Variants in PKN2 observed in about 807,000 individuals in gnomAD.
PKN2 encodes the protein serine/threonine-protein kinase N2.
A neutral mutation model predicts 119.1 loss-of-function variants in PKN2; 38 were observed. The observed-to-expected ratio is 0.32, with a 90% CI of 0.25 to 0.42. The LOEUF (loss-of-function observed/expected upper bound fraction) is 0.42, where lower values mean the gene tolerates loss of function less well. Among genes scored for constraint, PKN2 ranks in the 10% least tolerant of loss-of-function variants. PKN2 has a pLI of 1.00. For missense variants in PKN2, 850 were observed against 1,165.1 expected (o/e 0.73, Z 3.94); for synonymous variants, 390 against 384.9 (o/e 1.01, Z -0.15).
At chr1:88,832,916 T>C in intron 20 of PKN2, 65 bp downstream of exon 20, 1 of 1,227,674 alleles carries the variant, frequency 8.1e-7, no homozygotes, top group Non-Finnish European at 1.2e-6. Flanking sequence ...CTAAAGAAAA[T>C]TTCCCAGTAG....
intron 1 of PKN2, among the ~76,000 whole-genome samples, chr1:88,733,739 C>A (rs1442182510): frequency 6.6e-6 from 1 of 152,128 alleles, no homozygotes. Flanking sequence ...TGCTTACAAC[C>A]AGAGTGTTTT....
intron 3 of PKN2, among the ~76,000 whole-genome samples, chr1:88,768,503 A>C (rs1669754003): frequency 6.6e-6 from 1 of 152,084 alleles, no homozygotes; most frequent in Admixed American, 6.6e-5. Flanking sequence ...TCTTTTCTAC[A>C]CTTAAGGACC....
chr1:88,792,405 A>AAAATAAATAAATAAAT (rs560143650), intron 8 of PKN2, among the ~76,000 whole-genome samples: 2 of 151,992 alleles, frequency 1.3e-5, no homozygotes, highest in African/African-American at 4.8e-5. Context: ...TCCGTCTCAA[A>AAAATAAATAAATAAAT]AAATAAATAA....
At chr1:88,686,723 A>G (rs898199487) in intron 1 of PKN2, among the ~76,000 whole-genome samples, 3 of 152,100 alleles carry the variant, frequency 2.0e-5, no homozygotes, top group African/African-American at 7.2e-5. Flanking sequence ...AATAGTCATA[A>G]AGTTTGCTTC....
chr1:88,796,159 ATTT>A (rs1314638963), intron 8 of PKN2, among the ~76,000 whole-genome samples: 1 of 152,032 alleles, frequency 6.6e-6, no homozygotes, highest in African/African-American at 2.4e-5. Context: ...TAGATTCCAA[ATTT>A]TTTTTCAGAT....
chr1:88,770,315 T>A, intron 3 of PKN2, 37 bp from the exon 4 acceptor site: 1 of 1,216,732 alleles, frequency 8.2e-7, no homozygotes, highest in Non-Finnish European at 1.2e-6. Flanking sequence ...ATTTTTCCCT[T>A]TATTTGCTTA....
Position 88,758,062 on chromosome 1 carries a change from A to AAAG in PKN2, c.350-2159_350-2158insAGA, listed in dbSNP as rs539880214. 4.4e-3 allele frequency among the ~76,000 whole-genome samples: 632 copies of AAAG among 143,994 alleles called. 11 individuals carry two copies. Among genetic ancestry groups the AAAG allele is most frequent in the African/African-American group, 0.015 (543 of 36,996 alleles). The allele number at this position is 143,994 out of a possible 152,430, so 94.5% of individuals were successfully genotyped here. On this transcript the variant is annotated intron_variant, in intron 2 of 21. Coordinates refer to ENST00000370521, the MANE Select transcript of PKN2 (RefSeq NM_006256.4). ...TCAAAAAAAAAAAAAAAAAAAAAAA[A>AAAG]AGAAGTGTTTCAATAATAATGGATT...
In PKN2 at chr1:88,807,368, C is replaced by A; in HGVS notation, c.1859C>A (p.Ser620Tyr). The A allele has an allele frequency of 6.3e-7, 1 of 1,598,028 alleles. No homozygotes were observed. The highest frequency in any genetic ancestry group is 8.6e-7 in the Non-Finnish European group (1 of 1,167,190). ...GACAGAAATAGTATACTTCCAAAAT[C>A]TCAATCTGAATACAAGCCTGATACT... ...QNDRNSILPKSQSEYKPDTPQ... is the reference protein window; with the variant it reads ...QNDRNSILPKYQSEYKPDTPQ... The change falls in exon 13 of 22, where the codon TCT (serine) becomes TAT (tyrosine). Residue 620 changes from serine (S) to tyrosine (Y), a missense_variant. Coordinates refer to ENST00000370521, the MANE Select transcript of PKN2 (RefSeq NM_006256.4).
At chr1:88,794,715 C>G (rs1413560397) in intron 8 of PKN2, among the ~76,000 whole-genome samples, 1 of 152,058 alleles carries the variant, frequency 6.6e-6, no homozygotes, top group East Asian at 1.9e-4. Flanking sequence ...TATCACAAAG[C>G]TAGATATTTG....
At chr1:88,778,430 G>A (rs1670192301) in intron 6 of PKN2, among the ~76,000 whole-genome samples, 1 of 152,238 alleles carries the variant, frequency 6.6e-6, no homozygotes, top group Non-Finnish European at 1.5e-5. Context: ...TGCAGAGCTT[G>A]AGAGTCAACC....
At chr1:88,815,429 A>G (rs1671946027) in intron 16 of PKN2, 1 of 354,006 alleles carries the variant, frequency 2.8e-6, no homozygotes, top group African/African-American at 2.3e-5. Context: ...TATTTTCTGT[A>G]TTATCTTTTT....
intron 1 of PKN2, among the ~76,000 whole-genome samples, chr1:88,701,246 C>T (rs993520337): frequency 1.3e-5 from 2 of 152,120 alleles, no homozygotes; most frequent in Admixed American, 6.5e-5. Flanking sequence ...GAGTTTGAGA[C>T]CAGCCTGCCC....
In PKN2 at chr1:88,684,364, G is replaced by A. The variant is rs552576441; in HGVS notation, c.-217G>A. The A allele has an allele frequency of 2.1e-5, 10 of 485,748 alleles. No individual in the cohort carries two copies. The East Asian group carries it at 3.6e-4, about 17-fold the overall frequency. The allele number at this position is 485,748 out of a possible 1,614,324, so 30.1% of individuals were successfully genotyped here. A position where few individuals can be genotyped will look rare whatever the true frequency, so the allele number is the denominator to read the frequency against. On this transcript the variant is annotated 5_prime_UTR_variant, in exon 1 of 22. Transcript: ENST00000370521. ...ACGAACAGTCCGGTGAGGGCGGCGA[G>A]AGGAAGCCCGCTACGAGTGCCCTAG... is the stretch of plus-strand genomic sequence containing the variant.
chr1:88,749,521 G>A (rs1393328398), intron 2 of PKN2, among the ~76,000 whole-genome samples: 3 of 152,030 alleles, frequency 2.0e-5, no homozygotes, highest in Non-Finnish European at 4.4e-5. Flanking sequence ...ACCAAAATTA[G>A]TTCAGTTGGT....
intron 1 of PKN2, among the ~76,000 whole-genome samples, chr1:88,703,749 TGG>T (rs1252062413): frequency 6.6e-6 from 1 of 152,124 alleles, no homozygotes; most frequent in African/African-American, 2.4e-5. Flanking sequence ...AGTATTGAGA[TGG>T]GAATATATCA....
chr1:88,830,396 C>G (rs913165248), intron 19 of PKN2, among the ~76,000 whole-genome samples: 2 of 152,134 alleles, frequency 1.3e-5, no homozygotes, highest in Non-Finnish European at 2.9e-5. Context: ...GCCAGAAGTT[C>G]TCATAAAATA....
At chr1:88,730,547 T>G (rs1207373863) in intron 1 of PKN2, among the ~76,000 whole-genome samples, 1 of 152,236 alleles carries the variant, frequency 6.6e-6, no homozygotes, top group Non-Finnish European at 1.5e-5. Flanking sequence ...CTGGATTTAG[T>G]TCTCTTTGAT....
chr1:88,764,724 AG>A (rs1669589100), intron 3 of PKN2, among the ~76,000 whole-genome samples: 1 of 152,196 alleles, frequency 6.6e-6, no homozygotes, highest in South Asian at 2.1e-4. Context: ...TGTCAGCACA[AG>A]GATCTGAGGA....
chr1:88,829,413 T>C, intron 19 of PKN2: 1 of 264,118 alleles, frequency 3.8e-6, no homozygotes, highest in Non-Finnish European at 7.8e-6. Context: ...ACTTCCTAGA[T>C]TGTTAAATAA....
Sources: gnomAD v4.1 joint callset for allele counts (sites outside exome capture counted in the v4.1 genomes callset) on GRCh38, gnomAD v4.1.1 for gene constraint, MANE v1.5 for transcripts, NCBI Gene and HGNC (gene_info 2026-07-23, HGNC 2026-07-21) for gene names.